Variants in ABCG2 observed in about 807,000 individuals in gnomAD.
ABCG2 encodes broad substrate specificity ATP-binding cassette transporter ABCG2.
In ABCG2, 80 loss-of-function variants were observed where a neutral mutation model predicts 73.5. The observed-to-expected ratio is 1.09, with a 90% CI of 0.91 to 1.31. The LOEUF is 1.31. Among genes scored for constraint, ABCG2 ranks in the 50% most tolerant of loss-of-function variants. The probability of loss-of-function intolerance (pLI) is 0.00; values close to 1 mark genes in which losing one functional copy is unlikely to be tolerated. For synonymous variants in ABCG2, 269 were observed against 282.4 expected (o/e 0.95, Z 0.48); for missense variants, 796 against 786.2 (o/e 1.01, Z -0.15).
intron 1 of ABCG2, among the ~76,000 whole-genome samples, chr4:88,201,225 A>G (rs1360179305): frequency 1.3e-4 from 19 of 151,294 alleles, no homozygotes; most frequent in South Asian, 4.2e-4. Flanking sequence ...AAAAAAAAAA[A>G]AGAGAGAGGA....
At chr4:88,172,896 T>C (rs1216163656) in intron 1 of ABCG2, among the ~76,000 whole-genome samples, 1 of 152,182 alleles carries the variant, frequency 6.6e-6, no homozygotes, top group Non-Finnish European at 1.5e-5. Context: ...CTGTCTTCTC[T>C]GTGTAGTGAA....
intron 1 of ABCG2, among the ~76,000 whole-genome samples, chr4:88,176,164 TTTTC>T (rs1727963676): frequency 6.6e-6 from 1 of 151,750 alleles, no homozygotes; most frequent in African/African-American, 2.4e-5. Context: ...CTTGTTTTTT[TTTTC>T]TTTTTTTGTG....
intron 11 of ABCG2, among the ~76,000 whole-genome samples, chr4:88,099,834 A>C (rs1353361960): frequency 6.6e-6 from 1 of 152,100 alleles, no homozygotes; most frequent in Non-Finnish European, 1.5e-5. Flanking sequence ...GCAGGAATAG[A>C]AGCTTTTCTT....
At chr4:88,138,641 G>C (rs1725406459) in intron 2 of ABCG2, among the ~76,000 whole-genome samples, 1 of 152,156 alleles carries the variant, frequency 6.6e-6, no homozygotes, top group South Asian at 2.1e-4. Context: ...ATAGGAGAAA[G>C]ACTGGAAATA....
chr4:88,163,024 T>C (rs1473104533), upstream of ABCG2, among the ~76,000 whole-genome samples: 12 of 152,204 alleles, frequency 7.9e-5, no homozygotes, highest in Admixed American at 6.5e-4. Context: ...TCCAGAATTG[T>C]CAATTTTCCC....
intron 1 of ABCG2, among the ~76,000 whole-genome samples, chr4:88,198,427 G>A (rs1409722598): frequency 6.6e-6 from 1 of 152,154 alleles, no homozygotes; most frequent in East Asian, 1.9e-4. Flanking sequence ...GAAGCTAGGA[G>A]TTCAAGACCA....
At chr4:88,135,755 GC>G (rs1406865331) in intron 2 of ABCG2, among the ~76,000 whole-genome samples, 2 of 152,142 alleles carry the variant, frequency 1.3e-5, no homozygotes, top group Non-Finnish European at 2.9e-5. Context: ...ATAAATTTCT[GC>G]ATTTTTATAA....
At chr4:88,202,669 G>C (rs1729231687) in intron 1 of ABCG2, among the ~76,000 whole-genome samples, 1 of 151,734 alleles carries the variant, frequency 6.6e-6, no homozygotes, top group Non-Finnish European at 1.5e-5. Flanking sequence ...CGTTCTCCCA[G>C]TGTACAGGCT....
intron 1 of ABCG2, among the ~76,000 whole-genome samples, chr4:88,153,637 G>C (rs553103583): frequency 6.6e-6 from 1 of 152,152 alleles, no homozygotes; most frequent in African/African-American, 2.4e-5. Flanking sequence ...GAACCGTATA[G>C]AGGTGGGAAG....
intron 1 of ABCG2, among the ~76,000 whole-genome samples, chr4:88,174,238 T>C (rs1727867955): frequency 6.6e-6 from 1 of 151,884 alleles, no homozygotes; most frequent in South Asian, 2.1e-4. Context: ...CATGCCATGG[T>C]GGTTTGCGGT....
At chr4:88,119,295 C>T (rs755577631) in intron 6 of ABCG2, among the ~76,000 whole-genome samples, 21 of 152,204 alleles carry the variant, frequency 1.4e-4, no homozygotes, top group Non-Finnish European at 2.6e-4. Flanking sequence ...TTATAAATTA[C>T]CCAGCCTCAG....
chr4:88,129,673 A>G (rs1724703662), intron 5 of ABCG2, among the ~76,000 whole-genome samples: 1 of 152,258 alleles, frequency 6.6e-6, no homozygotes, highest in South Asian at 2.1e-4. Flanking sequence ...ACTGTCAGAA[A>G]GCATAATATG....
At chr4:88,210,230 T>C (rs1296711439) in intron 1 of ABCG2, among the ~76,000 whole-genome samples, 1 of 151,592 alleles carries the variant, frequency 6.6e-6, no homozygotes, top group African/African-American at 2.4e-5. Flanking sequence ...CATATACATA[T>C]ATACGTTTAA....
chr4:88,178,841 C>T (rs1424699367), intron 1 of ABCG2, among the ~76,000 whole-genome samples: 1 of 152,112 alleles, frequency 6.6e-6, no homozygotes, highest in Non-Finnish European at 1.5e-5. Context: ...GTGCAAAGGA[C>T]TTTGTCTTAT....
In ABCG2 at chr4:88,133,954, C is replaced by T. The variant is rs189136919; in HGVS notation, c.204-1319G>A. 2.1e-3 allele frequency among the ~76,000 whole-genome samples: 317 copies of T among 151,070 alleles called. 1 individual carries two copies. Among genetic ancestry groups the T allele is most frequent in the African/African-American group, 7.2e-3 (297 of 41,118 alleles). ...TGGAGGTTGCAGTGAGCCGAGATCA[C>T]GTCATTGTACTCCAGCCTGGGCAAC... is the stretch of plus-strand genomic sequence containing the variant. On this transcript the variant is annotated intron_variant, in intron 2 of 15. Coordinates refer to ENST00000237612, the MANE Select transcript of ABCG2 (RefSeq NM_004827.3).
At chr4:88,100,429 G>A (rs1722316755) in intron 11 of ABCG2, among the ~76,000 whole-genome samples, 1 of 151,708 alleles carries the variant, frequency 6.6e-6, no homozygotes, top group South Asian at 2.1e-4. Flanking sequence ...CTTGAACCCG[G>A]GAGGTAGAGA....
At chr4:88,156,395 A>AGG (rs1032738189) in intron 1 of ABCG2, among the ~76,000 whole-genome samples, 50 of 150,194 alleles carry the variant, frequency 3.3e-4, no homozygotes, top group African/African-American at 1.0e-3. Flanking sequence ...AAAAAAAAGA[A>AGG]GGAAAAAGAA....
At chr4:88,196,969 AC>A (rs941426936) in intron 1 of ABCG2, among the ~76,000 whole-genome samples, 1 of 151,862 alleles carries the variant, frequency 6.6e-6, no homozygotes, top group Non-Finnish European at 1.5e-5. Flanking sequence ...GAAATACCCA[AC>A]CCCAAACCCC....
chr4:88,132,330 C>G (rs1235436427), intron 3 of ABCG2, among the ~76,000 whole-genome samples: 3 of 152,114 alleles, frequency 2.0e-5, no homozygotes, highest in Non-Finnish European at 4.4e-5. Context: ...TCCCTATTAG[C>G]TGATAACATG....
Sources: allele counts gnomAD v4.1 joint callset (sites outside exome capture counted in the v4.1 genomes callset), GRCh38; gene constraint gnomAD v4.1.1; transcripts MANE v1.5; gene names NCBI Gene and HGNC (gene_info 2026-07-23, HGNC 2026-07-21).